Variants in DNAH17 observed in about 807,000 individuals in gnomAD.
DNAH17 encodes axonemal beta dynein heavy chain 17.
Under a neutral mutation model 485.6 loss-of-function variants are expected in DNAH17, and 376 were observed. The ratio of observed to expected loss-of-function variants is 0.77; its 90% CI spans 0.71 to 0.84. The LOEUF (loss-of-function observed/expected upper bound fraction) is 0.84, where lower values mean the gene tolerates loss of function less well. Among genes scored for constraint, DNAH17 ranks in the 40% least tolerant of loss-of-function variants. The pLI is 0.00. For missense variants in DNAH17, 6,370 were observed against 5,839.3 expected (o/e 1.09, Z -2.96); for synonymous variants, 3,031 against 2,405.9 (o/e 1.26, Z -7.60).
intron 19 of DNAH17, among the ~76,000 whole-genome samples, chr17:78,533,836 C>G (rs2143341160): frequency 6.6e-6 from 1 of 152,232 alleles, no homozygotes; most frequent in Admixed American, 6.5e-5. Flanking sequence ...AGGCTCCCAC[C>G]ACCATGCCTG....
At chr17:78,496,133 G>A (rs556486922) in intron 37 of DNAH17, 101 bp from the exon 38 acceptor site, 60 of 1,317,390 alleles carry the variant, frequency 4.6e-5, no homozygotes, top group Non-Finnish European at 5.6e-5. Context: ...GCGAATTTGC[G>A]CCTGCAAATT....
At chr17:78,445,027 G>A (rs2146472432) in intron 70 of DNAH17, among the ~76,000 whole-genome samples, 1 of 152,290 alleles carries the variant, frequency 6.6e-6, no homozygotes, top group Admixed American at 6.5e-5. Context: ...CTGCGGACAT[G>A]AGGCCTGGGA....
chr17:78,480,345 C>A (rs1029625373), intron 49 of DNAH17, among the ~76,000 whole-genome samples: 11 of 151,128 alleles, frequency 7.3e-5, no homozygotes, highest in African/African-American at 2.7e-4. Flanking sequence ...TGAGACTCAG[C>A]CTCAAAACAA....
intron 74 of DNAH17, among the ~76,000 whole-genome samples, chr17:78,435,669 A>G (rs1247633231): frequency 6.6e-6 from 1 of 152,226 alleles, no homozygotes; most frequent in Non-Finnish European, 1.5e-5. Context: ...TGGATTCACA[A>G]GTGTCGGGTC....
intron 56 of DNAH17, among the ~76,000 whole-genome samples, chr17:78,466,160 C>T (rs892442658): frequency 2.6e-5 from 4 of 152,234 alleles, no homozygotes; most frequent in African/African-American, 4.8e-5. Flanking sequence ...GAAACATGTG[C>T]TGTGTCCACT....
intron 38 of DNAH17, 98 bp from the exon 39 acceptor site, chr17:78,495,195 C>A (rs960468826): frequency 1.4e-6 from 2 of 1,402,746 alleles, no homozygotes; most frequent in African/African-American, 1.4e-5. Context: ...ACCTCGACTG[C>A]CAGGTAGACC....
Position 78,426,954 on chromosome 17 carries a change from G to C in DNAH17, c.12743C>G (p.Ser4248Trp). The C allele has an allele frequency of 6.2e-7, 1 of 1,609,124 alleles. No homozygotes were observed. The highest frequency in any genetic ancestry group is 8.5e-7 in the Non-Finnish European group (1 of 1,177,764). ...MNILTNEMRR[S>W]LKELNLGLKG... Reference sequence around the variant, plus strand: ...CAGCCCCAGGTTCAGCTCCTTGAGCGAACGGCGCATTTCGTTGGTCAGGAT... The same window carrying C: ...CAGCCCCAGGTTCAGCTCCTTGAGCCAACGGCGCATTTCGTTGGTCAGGAT... The change falls in exon 78 of 81, where the codon TCG (serine) becomes TGG (tryptophan). Residue 4248 changes from serine (S) to tryptophan (W), a missense_variant. By Grantham distance (177) the Ser-to-Trp change is radical. Coordinates refer to ENST00000389840, the MANE Select transcript of DNAH17 (RefSeq NM_173628.4).
At chr17:78,558,726 C>T (rs115428946) in intron 13 of DNAH17, among the ~76,000 whole-genome samples, 1,816 of 152,324 alleles carry the variant, frequency 0.012, 41 homozygotes, top group African/African-American at 0.041. Flanking sequence ...AGTAAGACTT[C>T]GGGTCTTCAC....
At chr17:78,472,412 C>T (rs1027455552) in intron 54 of DNAH17, among the ~76,000 whole-genome samples, 3 of 151,982 alleles carry the variant, frequency 2.0e-5, no homozygotes, top group Admixed American at 2.0e-4. Context: ...TAACATGAGG[C>T]CAAGCCCCCA....
chr17:78,449,540 A>G lies in DNAH17; in HGVS notation c.11085T>C (p.Pro3695=), dbSNP rs584102. 5.5e-3 allele frequency: 8,838 copies of G among 1,603,452 alleles called. 412 individuals are homozygous for G. In the African/African-American group the frequency reaches 0.098, roughly 18 times the overall value. The change falls in exon 69 of 81, where the codon CCT becomes CCC. Residue 3695 remains proline, a synonymous_variant. Transcript: ENST00000389840. ...VFEKAIQRTT[P]ANEVKQRVIN... is the part of the protein sequence containing the mutation. ...TCACCCGCTGCTTCACCTCGTTGGC[A>G]GGGGTGGTCCTCTGGATGGCTTTCT... is the stretch of plus-strand genomic sequence containing the variant.
intron 14 of DNAH17, among the ~76,000 whole-genome samples, chr17:78,556,914 A>G (rs561477523): frequency 3.9e-5 from 6 of 152,356 alleles, no homozygotes; most frequent in African/African-American, 1.2e-4. Context: ...GCAGACAGAG[A>G]AAACAGAACA....
At chr17:78,428,461 A>AC (rs1292978979) in intron 77 of DNAH17, 64 bp downstream of exon 77, 1 of 1,535,112 alleles carries the variant, frequency 6.5e-7, no homozygotes. Flanking sequence ...AGTCCCTGTG[A>AC]CCCCCTCCTC....
intron 62 of DNAH17, among the ~76,000 whole-genome samples, chr17:78,458,192 C>T (rs562006328): frequency 2.6e-4 from 40 of 152,328 alleles, no homozygotes; most frequent in Admixed American, 8.5e-4. Flanking sequence ...TAGTGGACGA[C>T]GCTACTCTGG....
chr17:78,553,297 T>TTTTTG (rs2091948198), intron 14 of DNAH17, among the ~76,000 whole-genome samples: 1 of 51,324 alleles, frequency 1.9e-5, no homozygotes, highest in Admixed American at 2.1e-4. Context: ...TTTTTTTTTT[T>TTTTTG]TTTTTTTTTT....
intron 71 of DNAH17, among the ~76,000 whole-genome samples, chr17:78,443,721 T>C (rs115520867): frequency 0.011 from 1,613 of 152,268 alleles, 30 homozygotes; most frequent in African/African-American, 0.036. Context: ...TGCTAATTTT[T>C]AGACTTTTTG....
At chr17:78,473,709 C>T (rs2088879454) in intron 54 of DNAH17, among the ~76,000 whole-genome samples, 1 of 152,018 alleles carries the variant, frequency 6.6e-6, no homozygotes, top group South Asian at 2.1e-4. Flanking sequence ...CAATCAGCCC[C>T]AACAGGAAGG....
chr17:78,478,117 A>C (rs2089152951), intron 51 of DNAH17, among the ~76,000 whole-genome samples: 1 of 151,120 alleles, frequency 6.6e-6, no homozygotes, highest in Non-Finnish European at 1.5e-5. Flanking sequence ...CATCTCCACC[A>C]TCACCACCAC....
rs1245152049 is a variant in DNAH17, at chr17:78,428,923, TTAA to T, written c.12405+195_12405+197del. On this transcript the variant is annotated intron_variant, in intron 76 of 80. Transcript: ENST00000389840. ...CTTCCCTGAGGCTGCATTTCTTTCT[TTAA>T]AAAAAAAAAAAAAAAAAAAAGGTTG... Among the ~76,000 whole-genome samples the T allele has an allele frequency of 2.4e-3, 190 of 79,228 alleles. 1 individual carries two copies. The highest frequency in any genetic ancestry group is 7.8e-3 in the African/African-American group (181 of 23,090). The allele number at this position is 79,228 out of a possible 152,430, so 52.0% of individuals were successfully genotyped here.
chr17:78,532,778 C>T (rs1196866504), intron 19 of DNAH17, 42 bp from the exon 20 acceptor site: 2 of 1,534,110 alleles, frequency 1.3e-6, no homozygotes, highest in South Asian at 1.3e-5. Context: ...AGGTATGTTG[C>T]CTGGTTCATA....
Sources: gnomAD v4.1 joint callset for allele counts (sites outside exome capture counted in the v4.1 genomes callset) on GRCh38, gnomAD v4.1.1 for gene constraint, MANE v1.5 for transcripts, NCBI Gene and HGNC (gene_info 2026-07-23, HGNC 2026-07-21) for gene names.